GABRB3: variants seen among roughly 807,000 people sequenced by gnomAD.
The protein encoded by GABRB3 is gamma-aminobutyric acid type A receptor subunit beta3.
Under a neutral mutation model 52.1 loss-of-function variants are expected in GABRB3, and 14 were observed. That is an observed-to-expected ratio of 0.27 (90% CI 0.18 to 0.42). The LOEUF is 0.42. Among genes scored for constraint, GABRB3 ranks in the 10% least tolerant of loss-of-function variants. GABRB3 has a pLI of 1.00. For synonymous variants in GABRB3, 260 were observed against 232.3 expected, an observed-to-expected ratio of 1.12 and a Z score of -1.08; for missense variants, 307 against 609.1, an observed-to-expected ratio of 0.50 and a Z score of 5.22.
At chr15:26,643,721 T>C (rs1893276516) in intron 3 of GABRB3, among the ~76,000 whole-genome samples, 1 of 151,928 alleles carries the variant, frequency 6.6e-6, no homozygotes, top group East Asian at 1.9e-4. Flanking sequence ...GTGCAAACTT[T>C]CCTCCTCTTC....
intron 3 of GABRB3, among the ~76,000 whole-genome samples, chr15:26,669,250 G>A (rs1180277789): frequency 6.6e-6 from 1 of 152,132 alleles, no homozygotes; most frequent in Non-Finnish European, 1.5e-5. Flanking sequence ...TCGTTTCAGT[G>A]ATGTCCTTCC....
chr15:26,750,711 A>C (rs1890481147), intron 3 of GABRB3, among the ~76,000 whole-genome samples: 1 of 152,356 alleles, frequency 6.6e-6, no homozygotes, highest in East Asian at 1.9e-4. Flanking sequence ...AAACAAATAG[A>C]ATTTCATAAA....
chr15:26,545,233 CTATT>C lies in GABRB3; in HGVS notation c.*2556_*2559del, dbSNP rs1245749232. 1.3e-5 allele frequency: 2 copies of C among 152,054 alleles called. No individual in the cohort carries two copies. The highest frequency in any genetic ancestry group is 1.9e-4 in the East Asian group (1 of 5,156). 9.4% of individuals were successfully genotyped at this position (152,054 alleles called of 1,614,324 possible). A position where few individuals can be genotyped will look rare whatever the true frequency, so the allele number is the denominator to read the frequency against. On this transcript the variant is annotated 3_prime_UTR_variant, in exon 9 of 9. Transcript: ENST00000311550. ...GTGTGTGTGTGTGTAGTTACAAACA[CTATT>C]TATAGTATAGCTAATATGTTAACTT...
At chr15:26,693,819 G>A (rs1888657668) in intron 3 of GABRB3, among the ~76,000 whole-genome samples, 1 of 152,218 alleles carries the variant, frequency 6.6e-6, no homozygotes, top group Non-Finnish European at 1.5e-5. Context: ...TACCTTGAGA[G>A]TTAAAAATTC....
chr15:26,728,398 C>G (rs779003319), intron 3 of GABRB3, among the ~76,000 whole-genome samples: 1 of 152,142 alleles, frequency 6.6e-6, no homozygotes, highest in Non-Finnish European at 1.5e-5. Flanking sequence ...CAGTCCAGCA[C>G]GCACAGAGTC....
intron 3 of GABRB3, among the ~76,000 whole-genome samples, chr15:26,699,164 A>G (rs904965985): frequency 5.9e-5 from 9 of 152,172 alleles, no homozygotes; most frequent in African/African-American, 2.2e-4. Flanking sequence ...CAGAACTGGG[A>G]ACAGTATCTG....
At chr15:26,656,139 C>T (rs1404804293) in intron 3 of GABRB3, among the ~76,000 whole-genome samples, 1 of 152,102 alleles carries the variant, frequency 6.6e-6, no homozygotes, top group Non-Finnish European at 1.5e-5. Flanking sequence ...TCTGTCAGGC[C>T]GCGTGGTACA....
intron 3 of GABRB3, among the ~76,000 whole-genome samples, chr15:26,751,960 G>GT (rs1890522367): frequency 6.6e-6 from 1 of 152,126 alleles, no homozygotes; most frequent in East Asian, 1.9e-4. Context: ...AAATATAAAT[G>GT]TATCTGAGGT....
rs1290547036 is a variant in GABRB3, at chr15:26,561,245, TTA to T, written c.836-71_836-70del. 2.5e-6 allele frequency: 4 copies of T among 1,602,964 alleles called. No homozygotes were observed. The African/African-American group carries it at 4.0e-5, about 16-fold the overall frequency. ...TTGGTCTTCACTTTTCACTTTCCTT[TTA>T]TGTTTTCTCAAACAGCTTTAAGTAG... is the stretch of plus-strand genomic sequence containing the variant. On this transcript the variant is annotated intron_variant, in intron 7 of 8. Coordinates refer to ENST00000311550, the MANE Select transcript of GABRB3 (RefSeq NM_000814.6).
chr15:26,653,666 C>T (rs891803925), intron 3 of GABRB3, among the ~76,000 whole-genome samples: 2 of 152,174 alleles, frequency 1.3e-5, no homozygotes, highest in African/African-American at 4.8e-5. Context: ...TTGGCTGTAT[C>T]TGGGCAGCAG....
chr15:26,606,934 C>T (rs1891859940), intron 4 of GABRB3, among the ~76,000 whole-genome samples: 1 of 151,926 alleles, frequency 6.6e-6, no homozygotes, highest in Admixed American at 6.6e-5. Flanking sequence ...GCTTAATAGT[C>T]ACACAAAATT....
intron 3 of GABRB3, among the ~76,000 whole-genome samples, chr15:26,629,483 A>T (rs938479608): frequency 3.3e-5 from 5 of 152,170 alleles, no homozygotes; most frequent in Non-Finnish European, 1.5e-5. Flanking sequence ...TTATCAGCAC[A>T]TCTAGACCGA....
intron 3 of GABRB3, among the ~76,000 whole-genome samples, chr15:26,625,889 C>T (rs1253711173): frequency 1.3e-5 from 2 of 152,130 alleles, no homozygotes; most frequent in Admixed American, 1.3e-4. Context: ...GAGTTGCTAA[C>T]GTTCCCTCTT....
intron 3 of GABRB3, among the ~76,000 whole-genome samples, chr15:26,679,327 C>A (rs1249591090): frequency 6.6e-6 from 1 of 152,152 alleles, no homozygotes; most frequent in Non-Finnish European, 1.5e-5. Context: ...AGGCTGGCAT[C>A]TACCTTTCTA....
At chr15:26,718,199 C>CATAT (rs1555379015) in intron 3 of GABRB3, among the ~76,000 whole-genome samples, 1 of 152,050 alleles carries the variant, frequency 6.6e-6, no homozygotes, top group Non-Finnish European at 1.5e-5. Context: ...TAGCTTATTT[C>CATAT]TTATTTATTT....
chr15:26,711,735 C>G (rs1272963033), intron 3 of GABRB3, among the ~76,000 whole-genome samples: 2 of 152,188 alleles, frequency 1.3e-5, no homozygotes, highest in African/African-American at 4.8e-5. Context: ...GAAGACTTTC[C>G]TTTCTTACAG....
chr15:26,667,157 T>C (rs1192438183), intron 3 of GABRB3, among the ~76,000 whole-genome samples: 2 of 152,122 alleles, frequency 1.3e-5, no homozygotes, highest in African/African-American at 4.8e-5. Context: ...TGTTCTACAG[T>C]GAAGGAAAAC....
intron 5 of GABRB3, 49 bp from the exon 6 acceptor site, chr15:26,580,505 A>C (rs896654067): frequency 6.2e-7 from 1 of 1,611,384 alleles, no homozygotes; most frequent in Non-Finnish European, 8.5e-7. Flanking sequence ...TTTCGTATAA[A>C]TGCACGGCTA....
At chr15:26,594,683 T>A (rs1891331951) in intron 4 of GABRB3, among the ~76,000 whole-genome samples, 1 of 152,112 alleles carries the variant, frequency 6.6e-6, no homozygotes, top group Admixed American at 6.6e-5. Flanking sequence ...TATTATTATT[T>A]ACTTATTTAT....
Sources: allele counts gnomAD v4.1 joint callset (sites outside exome capture counted in the v4.1 genomes callset), GRCh38; gene constraint gnomAD v4.1.1; transcripts MANE v1.5; gene names NCBI Gene and HGNC (gene_info 2026-07-23, HGNC 2026-07-21).